TET3: variants seen among roughly 807,000 people sequenced by gnomAD.
TET3 encodes the protein tet methylcytosine dioxygenase 3, also known as methylcytosine dioxygenase TET3.
Under a neutral mutation model 141.4 loss-of-function variants are expected in TET3, and 19 were observed. That is an observed-to-expected ratio of 0.13 (90% CI 0.09 to 0.20). The LOEUF (loss-of-function observed/expected upper bound fraction) is 0.20. Among genes scored for constraint, TET3 ranks in the 10% least tolerant of loss-of-function variants. The pLI is 1.00. For synonymous variants in TET3, 1,043 were observed against 980.9 expected (o/e 1.06, Z -1.18); for missense variants, 1,874 against 2,356.9 (o/e 0.80, Z 4.24).
At chr2:74,049,200 G>C (rs991166226) in intron 4 of TET3, among the ~76,000 whole-genome samples, 4 of 151,726 alleles carry the variant, frequency 2.6e-5, no homozygotes, top group Non-Finnish European at 5.9e-5. Context: ...GTCTCTGCCT[G>C]GGGGTGGTGG....
At chr2:74,109,506 A>G (rs1691651173), downstream of TET3, among the ~76,000 whole-genome samples, 1 of 152,236 alleles carries the variant, frequency 6.6e-6, no homozygotes, top group African/African-American at 2.4e-5. Context: ...GAAGCATTTA[A>G]TCATCCCTGT....
intron 2 of TET3, among the ~76,000 whole-genome samples, chr2:73,988,598 A>C (rs1337172853): frequency 2.6e-5 from 4 of 151,966 alleles, no homozygotes; most frequent in Non-Finnish European, 5.9e-5. Context: ...GCTTAGAGAC[A>C]CCCCTGCTGA....
At chr2:74,061,254 A>C (rs1458784032) in intron 4 of TET3, among the ~76,000 whole-genome samples, 19 of 121,528 alleles carry the variant, frequency 1.6e-4, no homozygotes, top group African/African-American at 5.3e-4. Flanking sequence ...TGACCCCCCC[A>C]CTTCCCTCCC....
chr2:74,034,915 G>A (rs1345220761), intron 3 of TET3, among the ~76,000 whole-genome samples: 3 of 151,976 alleles, frequency 2.0e-5, no homozygotes, highest in Non-Finnish European at 2.9e-5. Flanking sequence ...GTTGAGGGCC[G>A]GGCGCAGTGG....
At chr2:74,027,809 A>G (rs973961931) in intron 3 of TET3, among the ~76,000 whole-genome samples, 41 of 152,162 alleles carry the variant, frequency 2.7e-4, no homozygotes, top group African/African-American at 9.2e-4. Flanking sequence ...TGTTATGAAT[A>G]ATGCTGCTAT....
intron 4 of TET3, among the ~76,000 whole-genome samples, chr2:74,064,643 C>T (rs1038667649): frequency 6.6e-5 from 10 of 152,152 alleles, no homozygotes; most frequent in African/African-American, 2.4e-4. Context: ...AAGCAATCTG[C>T]CCACCACAGC....
intron 4 of TET3, among the ~76,000 whole-genome samples, chr2:74,064,566 T>G (rs1688776997): frequency 6.6e-6 from 1 of 152,084 alleles, no homozygotes; most frequent in Admixed American, 6.6e-5. Context: ...CACGCCTGCC[T>G]AATTTTTGTT....
chr2:74,033,500 A>G (rs935741762), intron 3 of TET3, among the ~76,000 whole-genome samples: 5 of 152,196 alleles, frequency 3.3e-5, no homozygotes, highest in African/African-American at 1.2e-4. Context: ...TTCTTATTCC[A>G]TATCATTTTA....
At chr2:74,032,463 G>A (rs868336410) in intron 3 of TET3, among the ~76,000 whole-genome samples, 1 of 116,796 alleles carries the variant, frequency 8.6e-6, no homozygotes, top group Admixed American at 7.6e-5. Context: ...GTGTGTGTGT[G>A]TGTGTGTGTG....
intron 3 of TET3, among the ~76,000 whole-genome samples, chr2:74,031,804 G>T (rs533521367): frequency 1.4e-4 from 21 of 152,204 alleles, no homozygotes; most frequent in African/African-American, 4.8e-4. Flanking sequence ...ATTGAGTGGG[G>T]GCAAACACAC....
intron 4 of TET3, among the ~76,000 whole-genome samples, chr2:74,062,014 G>A (rs560653896): frequency 1.3e-5 from 2 of 152,150 alleles, no homozygotes; most frequent in East Asian, 1.9e-4. Context: ...CTTCCCAGAC[G>A]GGGTGGCGGC....
At chr2:74,059,595 C>T (rs891944762) in intron 4 of TET3, among the ~76,000 whole-genome samples, 6 of 151,762 alleles carry the variant, frequency 4.0e-5, no homozygotes, top group African/African-American at 1.5e-4. Context: ...CACTGTTGTC[C>T]AGGCCAGAGT....
At chr2:74,032,154 G>A (rs1686729816) in intron 3 of TET3, among the ~76,000 whole-genome samples, 1 of 152,208 alleles carries the variant, frequency 6.6e-6, no homozygotes, top group South Asian at 2.1e-4. Flanking sequence ...ACACACCTGA[G>A]CTGTCAGTGG....
intron 3 of TET3, among the ~76,000 whole-genome samples, chr2:74,034,586 A>AC (rs1558732101): frequency 6.6e-6 from 1 of 151,814 alleles, no homozygotes; most frequent in African/African-American, 2.4e-5. Flanking sequence ...AAAAAAAAAA[A>AC]AAAAAAAACC....
At chr2:73,984,907 G>A (rs1402541599), upstream of TET3, among the ~76,000 whole-genome samples, 1 of 146,430 alleles carries the variant, frequency 6.8e-6, no homozygotes, top group African/African-American at 2.5e-5. The surrounding 1 kb of genome is among the most constrained non-coding windows in gnomAD (Gnocchi z 5.6). Context: ...CGCGGGGGGC[G>A]GGGAGTCCCG....
At chr2:74,061,498 C>T (rs1204903405) in intron 4 of TET3, among the ~76,000 whole-genome samples, 5 of 143,682 alleles carry the variant, frequency 3.5e-5, no homozygotes, top group African/African-American at 5.3e-5. Context: ...CCGGACGGGG[C>T]GGCTGGCTGG....
At chr2:74,029,755 A>G (rs932344426) in intron 3 of TET3, among the ~76,000 whole-genome samples, 4 of 152,216 alleles carry the variant, frequency 2.6e-5, no homozygotes, top group African/African-American at 7.2e-5. Flanking sequence ...TTCTATGCCT[A>G]TGACCTCTCT....
At chr2:74,019,663 T>G (rs1006307828) in intron 3 of TET3, among the ~76,000 whole-genome samples, 2 of 152,204 alleles carry the variant, frequency 1.3e-5, no homozygotes, top group African/African-American at 2.4e-5. Context: ...CTTCACCTCT[T>G]CAAAGTGTGA....
chr2:74,100,609 G>A lies in TET3; in HGVS notation c.3821G>A (p.Gly1274Asp), dbSNP rs1691135693. The change falls in exon 12 of 12, where the codon GGC becomes GAC. Residue 1274 changes from glycine (G) to aspartate (D), a missense_variant. Physicochemically the swap from Gly to Asp is moderately conservative, Grantham distance 94 (BLOSUM62 -1). Transcript: ENST00000409262. Reference protein sequence around the residue: ...YAQPSLTSVNGFHSKYALPSF... With the variant: ...YAQPSLTSVNDFHSKYALPSF... ...CAGCCCAGCCTGACCTCCGTCAATG[G>A]CTTCCACTCCAAGTACGCTCTCCCG... is the stretch of plus-strand genomic sequence containing the variant. 2 of 1,613,940 alleles carry A rather than the reference G, an allele frequency of 1.2e-6. No homozygotes were observed. The highest frequency in any genetic ancestry group is 1.7e-6 in the Non-Finnish European group (2 of 1,179,860).
Sources: gnomAD v4.1 joint callset for allele counts (sites outside exome capture counted in the v4.1 genomes callset) on GRCh38, gnomAD v4.1.1 for gene constraint, Gnocchi (gnomAD v3.1) non-coding constraint, MANE v1.5 for transcripts, NCBI Gene and HGNC (gene_info 2026-07-23, HGNC 2026-07-21) for gene names.